ANTXRL: variants seen among roughly 807,000 people sequenced by gnomAD.
ANTXRL encodes anthrax toxin receptor-like.
In ANTXRL, 63 loss-of-function variants were observed where a neutral mutation model predicts 75.4. That is an observed-to-expected ratio of 0.84 (90% CI 0.68 to 1.03). The LOEUF (loss-of-function observed/expected upper bound fraction) is 1.03, where lower values mean the gene tolerates loss of function less well. Among genes scored for constraint, ANTXRL ranks in the 50% least tolerant of loss-of-function variants. The pLI is 0.00. For synonymous variants in ANTXRL, 335 were observed against 291.3 expected (o/e 1.15, Z -1.53); for missense variants, 797 against 789.4 (o/e 1.01, Z -0.12).
In ANTXRL at chr10:46,325,554, G is replaced by T. The variant is rs541736264; in HGVS notation, c.1411-4045G>T. ...CTGGCTTATGGGTTTTAATTGAACT[G>T]CCAAGTTCAGGACGGAGCTCATTTG... is the stretch of plus-strand genomic sequence containing the variant. On this transcript the variant is annotated intron_variant, in intron 16 of 16. Transcript: ENST00000620264. Among the ~76,000 whole-genome samples, 8 of 152,208 alleles carry T rather than the reference G, an allele frequency of 5.3e-5. No homozygotes were observed. In the South Asian group the frequency reaches 1.5e-3, roughly 28 times the overall value.
chr10:46,292,319 T>C (rs1178344311), intron 2 of ANTXRL, among the ~76,000 whole-genome samples, 190 bp downstream of exon 2: 1 of 151,994 alleles, frequency 6.6e-6, no homozygotes, highest in East Asian at 1.9e-4. Context: ...TCAGCGGCCT[T>C]GGCTGGCTCC....
intron 16 of ANTXRL, among the ~76,000 whole-genome samples, chr10:46,320,198 T>C (rs546522856): frequency 6.6e-6 from 1 of 152,300 alleles, no homozygotes; most frequent in African/African-American, 2.4e-5. Flanking sequence ...GAAGCTAGTT[T>C]CTACTGAGTA....
intron 1 of ANTXRL, among the ~76,000 whole-genome samples, chr10:46,288,030 C>A (rs1231178638): frequency 6.6e-6 from 1 of 152,058 alleles, no homozygotes; most frequent in South Asian, 2.1e-4. Context: ...TGGAGAGCCA[C>A]GCGATAGTTC....
chr10:46,290,437 C>T (rs1836939417), intron 1 of ANTXRL, among the ~76,000 whole-genome samples: 1 of 152,140 alleles, frequency 6.6e-6, no homozygotes, highest in Non-Finnish European at 1.5e-5. Flanking sequence ...ATACGTATCT[C>T]TTGGAGTCCC....
At chr10:46,287,852 C>T (rs549480584) in intron 1 of ANTXRL, among the ~76,000 whole-genome samples, 82 of 152,240 alleles carry the variant, frequency 5.4e-4, no homozygotes, top group African/African-American at 1.8e-3. Flanking sequence ...ATGCTCACTG[C>T]GGATGTTTGG....
rs367689791 is a variant in ANTXRL at position 46,287,456 on chromosome 10, G to A, written c.194G>A (p.Gly65Glu). ...GGATGGAGGCAGCACTGGCGCCAGG[G>A]GCAAGCAGGTCACAGATGCCAGGGC... The part of the protein sequence containing the change: ...GPGWRQHWRQ[G>E]QAGHRCQGSF... The change falls in exon 1 of 17, where the codon GGG becomes GAG. Residue 65 changes from glycine (G) to glutamate (E), a missense_variant. Coordinates refer to ENST00000620264, the MANE Select transcript of ANTXRL (RefSeq NM_001278688.3). 264 of 1,535,818 alleles carry A rather than the reference G, an allele frequency of 1.7e-4. 4 individuals are homozygous for A. The East Asian group carries it at 6.3e-3, about 37-fold the overall frequency.
intron 14 of ANTXRL, 56 bp from the exon 15 acceptor site, chr10:46,311,454 G>A (rs556953599): frequency 6.7e-7 from 1 of 1,481,712 alleles, no homozygotes; most frequent in South Asian, 1.3e-5. Flanking sequence ...ATCTGGGAGT[G>A]GCCAGCACTG....
rs1838546873 is a variant in ANTXRL at position 46,313,422 on chromosome 10, A to G, written c.1410+106A>G. On this transcript the variant is annotated intron_variant, in intron 16 of 16. Transcript: ENST00000620264. ...TCAGAGAGCCATGTCAGGCATCTGC[A>G]AAAGAGGACGGCACAAGACACACAG... 4 of 1,181,040 alleles carry G rather than the reference A, an allele frequency of 3.4e-6. No homozygotes were observed. The South Asian group carries it at 5.2e-5, about 15-fold the overall frequency. 73.2% of individuals were successfully genotyped at this position (1,181,040 alleles called of 1,614,324 possible). A position where few individuals can be genotyped will look rare whatever the true frequency, so the allele number is the denominator to read the frequency against.
chr10:46,305,555 G>A (rs1245365792), intron 10 of ANTXRL, among the ~76,000 whole-genome samples: 1 of 152,100 alleles, frequency 6.6e-6, no homozygotes, highest in East Asian at 1.9e-4. Context: ...CAGTTAATGG[G>A]CCCTGGGAAG....
At chr10:46,293,518 T>TGTGC (rs1837168675) in intron 2 of ANTXRL, among the ~76,000 whole-genome samples, 1 of 116,252 alleles carries the variant, frequency 8.6e-6, no homozygotes, top group South Asian at 2.8e-4. Flanking sequence ...TGTGTGTGTG[T>TGTGC]GTGCCTCTGT....
intron 16 of ANTXRL, among the ~76,000 whole-genome samples, chr10:46,327,049 T>C (rs1839251194): frequency 6.6e-6 from 1 of 152,078 alleles, no homozygotes; most frequent in African/African-American, 2.4e-5. Context: ...GATGCTCCCC[T>C]TCAAGGAAGG....
intron 10 of ANTXRL, among the ~76,000 whole-genome samples, chr10:46,303,379 A>T (rs1196885723): frequency 6.6e-6 from 1 of 152,144 alleles, no homozygotes; most frequent in Non-Finnish European, 1.5e-5. Context: ...TCAATTTAAC[A>T]TGGAGGCAAT....
At chr10:46,287,880 G>A (rs117143174) in intron 1 of ANTXRL, among the ~76,000 whole-genome samples, 3,862 of 152,156 alleles carry the variant, frequency 0.025, 70 homozygotes, top group Non-Finnish European at 0.038. Flanking sequence ...GTGTTGTTTT[G>A]CTTGTTTGTT....
intron 14 of ANTXRL, 129 bp downstream of exon 14, chr10:46,310,628 A>G (rs782499001): frequency 5.0e-6 from 5 of 994,888 alleles, no homozygotes; most frequent in Non-Finnish European, 6.0e-6. Context: ...GAGGGGCAGA[A>G]TGGAGCCTGA....
chr10:46,304,445 GT>G (rs1234857604), intron 10 of ANTXRL, among the ~76,000 whole-genome samples: 1 of 152,112 alleles, frequency 6.6e-6, no homozygotes, highest in Non-Finnish European at 1.5e-5. Flanking sequence ...AAAAAGATCA[GT>G]TACAAGGGTG....
Position 46,311,536 on chromosome 10 carries a change from A to T in ANTXRL, c.1200A>T (p.Ser400=). The T allele has an allele frequency of 6.5e-7, 1 of 1,531,582 alleles. No individual in the cohort carries two copies. The highest frequency in any genetic ancestry group is 8.7e-7 in the Non-Finnish European group (1 of 1,144,600). The allele number at this position is 1,531,582 out of a possible 1,614,324, so 94.9% of individuals were successfully genotyped here. ...EKEPEQEKPP[S]PPPPPPPPPP... ...AGCCAGAGCAGGAAAAACCACCATC[A>T]CCACCACCACCGCCTCCGCCTCCAC... Residue 400 remains serine (S), a synonymous_variant, in exon 15 of 17, where the codon TCA becomes TCT. Transcript: ENST00000620264.
chr10:46,323,486 A>C (rs7070361), intron 16 of ANTXRL, among the ~76,000 whole-genome samples: 78,648 of 151,870 alleles, frequency 0.52, 21,364 homozygotes, highest in Admixed American at 0.63. Context: ...AAGATGCTAG[A>C]TGGCTTGCTG....
intron 5 of ANTXRL, among the ~76,000 whole-genome samples, chr10:46,296,969 T>G (rs1175593206): frequency 6.6e-6 from 1 of 152,110 alleles, no homozygotes; most frequent in Non-Finnish European, 1.5e-5. Context: ...TGCAGGTCGC[T>G]AGTGGGTGAG....
chr10:46,293,909 T>C lies in ANTXRL; in HGVS notation c.392+9T>C. On this transcript the variant is annotated intron_variant, in intron 3 of 16. Transcript: ENST00000620264. ...CCACTCACCTCAGACAAGTGAGTGC[T>C]GCTTTGAGCCCCAAAGGGAGGCCTG... The C allele has an allele frequency of 2.6e-6, 4 of 1,535,304 alleles. No homozygotes were observed. Among genetic ancestry groups the C allele is most frequent in the Non-Finnish European group, 1.7e-6 (2 of 1,146,320 alleles).
Sources: allele counts gnomAD v4.1 joint callset (sites outside exome capture counted in the v4.1 genomes callset), GRCh38; gene constraint gnomAD v4.1.1; transcripts MANE v1.5; gene names NCBI Gene and HGNC (gene_info 2026-07-23, HGNC 2026-07-21).